FAM13B: variants seen among roughly 807,000 people sequenced by gnomAD.
FAM13B encodes protein FAM13B.
FAM13B carries 60 observed loss-of-function variants against 117.3 expected under a neutral mutation model. That is an observed-to-expected ratio of 0.51 (90% CI 0.42 to 0.63). FAM13B has a LOEUF of 0.63. Among genes scored for constraint, FAM13B ranks in the 30% least tolerant of loss-of-function variants. The pLI is 0.00. For synonymous variants in FAM13B, 332 were observed against 356.1 expected (o/e 0.93, Z 0.76); for missense variants, 972 against 1,091.9 (o/e 0.89, Z 1.55).
At chr5:137,975,980 C>CTTCCTTTTT (rs1773825464) in intron 10 of FAM13B, among the ~76,000 whole-genome samples, 1 of 110,206 alleles carries the variant, frequency 9.1e-6, no homozygotes, top group Non-Finnish European at 1.7e-5. Context: ...TCAACTCTTC[C>CTTCCTTTTT]TTTTTTTTTT....
rs1203074424 is a variant in FAM13B, at chr5:137,940,127, T to C, written c.*98A>G. The stretch of plus-strand genomic sequence containing the variant: ...CAAGTACAAAATGAGATTCTCTGAG[T>C]GCCTGACAAAACGAATTTAAGTACC... On this transcript the variant is annotated 3_prime_UTR_variant, in exon 24 of 24. Coordinates refer to ENST00000689681, the MANE Select transcript of FAM13B (RefSeq NM_001385994.1). 1 of 1,614,080 alleles carries C rather than the reference T, an allele frequency of 6.2e-7. No individual in the cohort carries two copies.
rs1221300633 is a variant in FAM13B at position 137,987,156 on chromosome 5, T to C, written c.1046+305A>G. On this transcript the variant is annotated intron_variant, in intron 9 of 23. Coordinates refer to ENST00000689681, the MANE Select transcript of FAM13B (RefSeq NM_001385994.1). ...TGTTGCAGAGTCTAATTTTTTAAAG[T>C]TATTTTTCATACAACATAATTCCTA... Among the ~76,000 whole-genome samples, 3 of 152,202 alleles carry C rather than the reference T, an allele frequency of 2.0e-5. No individual in the cohort carries two copies. The East Asian group carries it at 5.8e-4, about 29-fold the overall frequency.
chr5:137,962,550 T>G, intron 10 of FAM13B, 81 bp from the exon 11 acceptor site: 1 of 1,269,886 alleles, frequency 7.9e-7, no homozygotes, highest in Non-Finnish European at 1.1e-6. Context: ...ATTAGGATAT[T>G]AGAATACAGA....
chr5:138,032,825 C>T lies in FAM13B; in HGVS notation c.-246G>A. 1 of 985,786 alleles carries T rather than the reference C, an allele frequency of 1.0e-6. No individual in the cohort carries two copies. Among genetic ancestry groups the T allele is most frequent in the Non-Finnish European group, 1.2e-6 (1 of 829,968 alleles). 61.1% of individuals were successfully genotyped at this position (985,786 alleles called of 1,614,324 possible). ...CCGTTCCCTGGCCGCGGCCGCTTCT[C>T]CAGGACCCGCGGCGACGGCAAGAGG... On this transcript the variant is annotated 5_prime_UTR_variant, in exon 1 of 24. Transcript: ENST00000689681.
intron 20 of FAM13B, among the ~76,000 whole-genome samples, chr5:137,945,267 T>G (rs757841380): frequency 6.6e-6 from 1 of 152,204 alleles, no homozygotes; most frequent in Non-Finnish European, 1.5e-5. Flanking sequence ...CTGTTTTCTA[T>G]TTGAACCCAA....
In FAM13B at chr5:138,018,359, G is replaced by A; in HGVS notation, c.313C>T (p.Leu105Phe). The change falls in exon 4 of 24, where the codon CTT (leucine) becomes TTT (phenylalanine). Residue 105 changes from leucine (L) to phenylalanine (F), a missense_variant. Leu to Phe is a conservative substitution (Grantham distance 22). Transcript: ENST00000689681. The stretch of plus-strand genomic sequence containing the variant: ...CTGCCAGGGATAACAGGTTCAGGAA[G>A]TTCTTGAAGAAAAAATCTAAGAAGG... ...ISLLRFFLQE[L>F]PEPVIPGSLH... The A allele has an allele frequency of 6.2e-7, 1 of 1,614,132 alleles. No homozygotes were observed. The highest frequency in any genetic ancestry group is 8.5e-7 in the Non-Finnish European group (1 of 1,180,010).
At chr5:137,954,063 G>T (rs1274021081) in intron 15 of FAM13B, 103 bp downstream of exon 15, 46 of 338,154 alleles carry the variant, frequency 1.4e-4, no homozygotes, top group South Asian at 2.8e-4. Flanking sequence ...TTTTTTTTGA[G>T]ATGGAGTTTC....
Position 138,018,994 on chromosome 5 carries a change from A to C in FAM13B, c.118T>G (p.Phe40Val). The part of the protein sequence containing the change: ...QGGHPDNEVP[F>V]IVRHVVDYIE... ...TAGTCCACAACGTGGCGGACTATGA[A>C]TGGAACCTCATTGTCTGGATGTCCT... is the stretch of plus-strand genomic sequence containing the variant. Residue 40 changes from phenylalanine to valine, a missense_variant, in exon 3 of 24, where the codon TTC becomes GTC. Coordinates refer to ENST00000689681, the MANE Select transcript of FAM13B (RefSeq NM_001385994.1). The C allele has an allele frequency of 6.2e-7, 1 of 1,614,180 alleles. No homozygotes were observed.
At chr5:137,953,963 A>C (rs76279253) in intron 15 of FAM13B, among the ~76,000 whole-genome samples, 3 of 152,144 alleles carry the variant, frequency 2.0e-5, no homozygotes, top group Admixed American at 1.3e-4. Flanking sequence ...GTCAAAAAAA[A>C]CCAAAACTTA....
At chr5:138,021,619 A>G (rs1056082506) in intron 1 of FAM13B, among the ~76,000 whole-genome samples, 1 of 152,234 alleles carries the variant, frequency 6.6e-6, no homozygotes, top group African/African-American at 2.4e-5. Flanking sequence ...ACTATACTTA[A>G]GTACTTTCTT....
chr5:138,011,060 TC>T lies in FAM13B; in HGVS notation c.637del (p.Glu213ArgfsTer12). The T allele has an allele frequency of 6.2e-7, 1 of 1,609,776 alleles. No individual in the cohort carries two copies. The highest frequency in any genetic ancestry group is 1.7e-4 in the Middle Eastern group (1 of 6,054). ...AGATGAAAAATCTTCCTCTTCATTC[TC>T]AAAAAACTCATAGTAGTTTTCCAGA... The part of the protein sequence containing the change: ...GLLENYYEFF[E>X]NEEEDFSSND... On this transcript the variant is annotated frameshift_variant, in exon 6 of 24. Coordinates refer to ENST00000689681, the MANE Select transcript of FAM13B (RefSeq NM_001385994.1). LOFTEE classifies it high-confidence loss of function.
chr5:137,955,933 C>CT (rs1010755941), intron 14 of FAM13B, among the ~76,000 whole-genome samples: 6 of 151,754 alleles, frequency 4.0e-5, no homozygotes, highest in African/African-American at 1.2e-4. Context: ...CGCCCGGCAG[C>CT]TTTTTTTTAA....
intron 7 of FAM13B, among the ~76,000 whole-genome samples, chr5:137,989,503 AG>A (rs1267145916): frequency 1.3e-5 from 2 of 152,300 alleles, no homozygotes; most frequent in African/African-American, 4.8e-5. Context: ...GATCGTCTCC[AG>A]GGAAGTGTTT....
At chr5:137,963,884 T>A (rs1007106457) in intron 10 of FAM13B, among the ~76,000 whole-genome samples, 1 of 152,080 alleles carries the variant, frequency 6.6e-6, no homozygotes, top group Admixed American at 6.5e-5. Flanking sequence ...GGTAGAACAG[T>A]TTCATCCCAA....
chr5:137,981,502 G>C (rs1775738292), intron 10 of FAM13B, among the ~76,000 whole-genome samples: 1 of 151,772 alleles, frequency 6.6e-6, no homozygotes, highest in African/African-American at 2.4e-5. Context: ...AAGTGGGGAG[G>C]GGGCCAGGTG....
chr5:138,018,792 G>A (rs76241080), intron 3 of FAM13B, among the ~76,000 whole-genome samples, 163 bp downstream of exon 3: 1,728 of 151,800 alleles, frequency 0.011, 28 homozygotes, highest in African/African-American at 0.04. Context: ...CTAAGTATAT[G>A]AATTTAAGTA....
At chr5:137,988,938 G>C (rs762328478) in intron 7 of FAM13B, among the ~76,000 whole-genome samples, 1 of 152,200 alleles carries the variant, frequency 6.6e-6, no homozygotes, top group Non-Finnish European at 1.5e-5. Flanking sequence ...GAGAAAAACT[G>C]ATCTATTTCC....
chr5:138,019,547 C>T (rs188925521), intron 2 of FAM13B, among the ~76,000 whole-genome samples: 2 of 152,214 alleles, frequency 1.3e-5, no homozygotes, highest in Admixed American at 6.5e-5. Context: ...CATCTAACCC[C>T]TCAATTCATA....
intron 10 of FAM13B, among the ~76,000 whole-genome samples, chr5:137,972,881 C>T (rs1772682602): frequency 1.3e-5 from 2 of 151,642 alleles, no homozygotes; most frequent in African/African-American, 4.9e-5. Flanking sequence ...GAATAAAATA[C>T]CTAGGAATCC....
Sources: allele counts gnomAD v4.1 joint callset (sites outside exome capture counted in the v4.1 genomes callset), GRCh38; gene constraint gnomAD v4.1.1; transcripts MANE v1.5; gene names NCBI Gene and HGNC (gene_info 2026-07-23, HGNC 2026-07-21).